Variants in RRAGB observed in about 807,000 individuals in gnomAD.
The protein encoded by RRAGB is Ras related GTP binding B.
Under a neutral mutation model 29.3 loss-of-function variants are expected in RRAGB, and 6 were observed. That is an observed-to-expected ratio of 0.21 (90% confidence interval 0.11 to 0.40). The LOEUF is 0.40. Ranked by LOEUF, RRAGB falls within the 10% of genes least tolerant of loss-of-function variation. The pLI is 1.00. For missense variants in RRAGB, 184 were observed against 272.9 expected, an observed-to-expected ratio of 0.67 and a Z score of 2.29; for synonymous variants, 101 against 92.5, an observed-to-expected ratio of 1.09 and a Z score of -0.53.
chrX:55,754,667 A>T (rs959801349), intron 7 of RRAGB, among the ~76,000 whole-genome samples: 12 of 112,586 alleles, frequency 1.1e-4, no homozygotes, highest in African/African-American at 3.9e-4. Context: ...AAACTATTAA[A>T]TATTGATTCC....
Position 55,753,423 on chromosome X carries a change from C to A in RRAGB, c.644C>A (p.Pro215His). The A allele has an allele frequency of 8.3e-7, 1 of 1,201,368 alleles. No individual in the cohort carries two copies. Among genetic ancestry groups the A allele is most frequent in the Non-Finnish European group, 1.1e-6 (1 of 887,111 alleles). The change falls in exon 7 of 10, where the codon CCC becomes CAC. Residue 215 changes from proline (P) to histidine (H), a missense_variant. Transcript: ENST00000374941. Reference sequence around the variant, plus strand: ...TCCAGCATAGTTTATCAGCTGATTCCCAATGTTCAGCAGCTGGAAATGAAC... The same window carrying A: ...TCCAGCATAGTTTATCAGCTGATTCACAATGTTCAGCAGCTGGAAATGAAC... ...AWSSIVYQLI[P>H]NVQQLEMNLR...
rs1205671161 is a variant in RRAGB at position 55,718,066 on chromosome X, TCTTA to T, written c.-258_-255del. 1.6e-5 allele frequency: 4 copies of T among 257,469 alleles called. No homozygotes were observed. The highest frequency in any genetic ancestry group is 1.1e-4 in the African/African-American group (4 of 36,187). 21.2% of individuals were successfully genotyped at this position (257,469 alleles called of 1,213,427 possible). On this transcript the variant is annotated 5_prime_UTR_variant, in exon 1 of 10. Transcript: ENST00000374941. ...CTCTCTTTTCCTGTCATTCTCCAACTCTTACTTTGTACCACGGAATCACTTGGCC... is the reference window on the plus strand; with the variant it reads ...CTCTCTTTTCCTGTCATTCTCCAACTCTTTGTACCACGGAATCACTTGGCC...
chrX:55,730,972 G>T (rs1484741763), intron 4 of RRAGB, among the ~76,000 whole-genome samples: 1 of 110,359 alleles, frequency 9.1e-6, no homozygotes, highest in African/African-American at 3.3e-5. Flanking sequence ...GAGGAGGTGG[G>T]GGGTAGCATC....
chrX:55,749,784 A>G (rs1330279947), intron 5 of RRAGB, among the ~76,000 whole-genome samples: 1 of 109,322 alleles, frequency 9.1e-6, no homozygotes, highest in Non-Finnish European at 1.9e-5. Flanking sequence ...TCAGGGTTAA[A>G]TGGATTAAGG....
chrX:55,751,955 T>C (rs1471607633), intron 6 of RRAGB, among the ~76,000 whole-genome samples: 1 of 111,257 alleles, frequency 9.0e-6, no homozygotes, highest in Admixed American at 9.6e-5. Flanking sequence ...CAAGTCTGAC[T>C]CTGGGTAGGA....
At chrX:55,750,490 G>A in intron 5 of RRAGB, among the ~76,000 whole-genome samples, 1 of 111,215 alleles carries the variant, frequency 9.0e-6, no homozygotes, top group Non-Finnish European at 1.9e-5. Flanking sequence ...AATACTCAGA[G>A]TCTACTGTTT....
intron 5 of RRAGB, among the ~76,000 whole-genome samples, chrX:55,738,292 GCT>G (rs2147097523): frequency 8.9e-6 from 1 of 112,342 alleles, no homozygotes; most frequent in Admixed American, 9.4e-5. Context: ...AAGTGGAGAA[GCT>G]CTCTGATGCC....
chrX:55,746,190 G>A (rs777631476), intron 5 of RRAGB, among the ~76,000 whole-genome samples: 5 of 111,183 alleles, frequency 4.5e-5, no homozygotes, highest in Non-Finnish European at 7.5e-5. Context: ...TTGAGAAGCC[G>A]TGAGTCTCCA....
intron 5 of RRAGB, among the ~76,000 whole-genome samples, chrX:55,750,342 A>C (rs978224702): frequency 9.1e-6 from 1 of 109,894 alleles, no homozygotes; most frequent in African/African-American, 3.3e-5. Context: ...CCCATGGAAG[A>C]GTTAATGTGG....
intron 2 of RRAGB, among the ~76,000 whole-genome samples, chrX:55,721,262 C>T (rs190202142): frequency 4.5e-5 from 5 of 111,752 alleles, no homozygotes; most frequent in Non-Finnish European, 9.4e-5. Context: ...GAAGGACAGA[C>T]CCCCCAAAAT....
At position 55,720,770 on chromosome X, in the gene RRAGB, G is replaced by A. The variant is rs141069203; in HGVS notation, c.127-1416G>A. On this transcript the variant is annotated intron_variant, in intron 2 of 9. Transcript: ENST00000374941. ...GATGGCTGAGGTGGGGGGCTCAGGT[G>A]GGGTGGCTGAGGCATGAGAATCACT... 3.1e-3 allele frequency among the ~76,000 whole-genome samples: 347 copies of A among 110,847 alleles called. 1 individual carries two copies. The highest frequency in any genetic ancestry group is 0.011 in the African/African-American group (336 of 30,454).
intron 5 of RRAGB, among the ~76,000 whole-genome samples, chrX:55,743,116 C>T (rs996913829): frequency 2.7e-5 from 3 of 112,005 alleles, no homozygotes; most frequent in Non-Finnish European, 5.6e-5. Context: ...ATGGTAAGAC[C>T]AGTGAATTTC....
rs1207256154 is a variant in RRAGB at position 55,729,352 on chromosome X, T to C, written c.285T>C (p.Asp95=). The change falls in exon 4 of 10, where the codon GAT becomes GAC. Residue 95 remains aspartate (D), a synonymous_variant. Coordinates refer to ENST00000374941, the MANE Select transcript of RRAGB (RefSeq NM_006064.5). The part of the protein sequence containing the change: ...FLGNLVLNLW[D]CGGQDTFMEN... ...GAAACCTGGTATTGAACCTGTGGGA[T>C]TGTGGTGGGTAAGTACCATCTGCTT... 5 of 1,184,939 alleles carry C rather than the reference T, an allele frequency of 4.2e-6. No individual in the cohort carries two copies. The highest frequency in any genetic ancestry group is 5.7e-6 in the Non-Finnish European group (5 of 873,612).
chrX:55,750,184 ATGTGTGTGTGTGTG>A lies in RRAGB; in HGVS notation c.517-893_517-880del, dbSNP rs141091954. On this transcript the variant is annotated intron_variant, in intron 5 of 9. Coordinates refer to ENST00000374941, the MANE Select transcript of RRAGB (RefSeq NM_006064.5). ...TATACATATACATACATACATACGTATGTGTGTGTGTGTGTGTGTGTGTGTGTGTGTGTGTGTTT... is the reference window on the plus strand; with the variant it reads ...TATACATATACATACATACATACGTATGTGTGTGTGTGTGTGTGTGTGTTT... Among the ~76,000 whole-genome samples the A allele has an allele frequency of 1.1e-4, 10 of 93,977 alleles. No individual in the cohort carries two copies. The East Asian group carries it at 2.3e-3, about 22-fold the overall frequency. The allele number at this position is 93,977 out of a possible 115,157, so 81.6% of individuals were successfully genotyped here.
intron 5 of RRAGB, among the ~76,000 whole-genome samples, chrX:55,748,446 C>T (rs1287246297): frequency 4.6e-5 from 5 of 107,928 alleles, no homozygotes; most frequent in Admixed American, 9.8e-5. Context: ...CGGCCGCCAT[C>T]CCATCTAGGA....
At chrX:55,720,084 A>G (rs1202613595) in intron 2 of RRAGB, among the ~76,000 whole-genome samples, 2 of 112,462 alleles carry the variant, frequency 1.8e-5, no homozygotes, top group Non-Finnish European at 3.7e-5. Context: ...GTATAAATTA[A>G]TAACCGAAGG....
In RRAGB at chrX:55,734,913, CAT is replaced by C. The variant is rs749880483; in HGVS notation, c.516+3332_516+3333del. Among the ~76,000 whole-genome samples the C allele has an allele frequency of 3.6e-5, 4 of 112,036 alleles. No individual in the cohort carries two copies. In the East Asian group the frequency reaches 1.1e-3, roughly 31 times the overall value. On this transcript the variant is annotated intron_variant, in intron 5 of 9. Transcript: ENST00000374941. Reference sequence around the variant, plus strand: ...ATTGAAGAATAGACTATTTAATTTCCATATATTTGTATGGTTTTGAGAATTCC... The same window carrying C: ...ATTGAAGAATAGACTATTTAATTTCCATATTTGTATGGTTTTGAGAATTCC...
chrX:55,741,474 G>A (rs1416778535), intron 5 of RRAGB, among the ~76,000 whole-genome samples: 4 of 111,961 alleles, frequency 3.6e-5, no homozygotes, highest in African/African-American at 1.3e-4. Context: ...AACATAAAGC[G>A]AGAAATGGAC....
chrX:55,755,595 C>A, intron 7 of RRAGB: 1 of 743,412 alleles, frequency 1.3e-6, no homozygotes, highest in Non-Finnish European at 1.6e-6. Flanking sequence ...AGCAGTGAAC[C>A]AAAATAGGCA....
Sources: gnomAD v4.1 joint callset for allele counts (sites outside exome capture counted in the v4.1 genomes callset) on GRCh38, gnomAD v4.1.1 for gene constraint, MANE v1.5 for transcripts, NCBI Gene and HGNC (gene_info 2026-07-23, HGNC 2026-07-21) for gene names.